The following SDK1 variants were observed in gnomAD, a reference collection of about 807,000 sequenced individuals.
SDK1 encodes the protein sidekick cell adhesion molecule 1, also known as protein sidekick-1.
A neutral mutation model predicts 245.5 loss-of-function variants in SDK1; 157 were observed. The ratio of observed to expected loss-of-function variants is 0.64; its 90% CI spans 0.56 to 0.73. SDK1 has a LOEUF of 0.73. Among genes scored for constraint, SDK1 ranks in the 30% least tolerant of loss-of-function variants. The pLI is 0.00. For synonymous variants in SDK1, 1,647 were observed against 1,278.5 expected (o/e 1.29, Z -6.15); for missense variants, 3,583 against 3,002.3 (o/e 1.19, Z -4.52).
intron 4 of SDK1, among the ~76,000 whole-genome samples, chr7:3,779,399 C>T (rs1309358954): frequency 4.6e-5 from 7 of 151,520 alleles, no homozygotes; most frequent in Non-Finnish European, 7.4e-5. Flanking sequence ...TGGGAGACAT[C>T]GAACAGTAGT....
intron 44 of SDK1, among the ~76,000 whole-genome samples, chr7:4,264,647 G>C (rs1377012275): frequency 6.6e-6 from 1 of 150,788 alleles, no homozygotes; most frequent in African/African-American, 2.4e-5. Context: ...GGTAAGGAAG[G>C]CCGTGTAGAC....
chr7:3,676,658 A>G (rs1783914097), intron 4 of SDK1, among the ~76,000 whole-genome samples: 1 of 152,166 alleles, frequency 6.6e-6, no homozygotes, highest in Non-Finnish European at 1.5e-5. Flanking sequence ...GAGGTCTTAT[A>G]TTTAAGTCTT....
At chr7:3,681,637 A>T (rs1174271550) in intron 4 of SDK1, among the ~76,000 whole-genome samples, 1 of 152,242 alleles carries the variant, frequency 6.6e-6, no homozygotes, top group Admixed American at 6.5e-5. Context: ...CCATCACTAA[A>T]ATATAAGCTC....
At chr7:4,158,917 G>T (rs968670869) in intron 31 of SDK1, among the ~76,000 whole-genome samples, 4 of 152,216 alleles carry the variant, frequency 2.6e-5, no homozygotes, top group African/African-American at 9.6e-5. Context: ...AACAGCGCAG[G>T]TAAGTGATGG....
At position 4,123,389 on chromosome 7, in the gene SDK1, A is replaced by C. The variant is rs559160344; in HGVS notation, c.3824-3992A>C. Reference sequence around the variant, plus strand: ...AGTTGATTCAAGGTCCCAGTTTATCAAACTTTTGTATAAAATGAGCAATGT... The same window carrying C: ...AGTTGATTCAAGGTCCCAGTTTATCCAACTTTTGTATAAAATGAGCAATGT... On this transcript the variant is annotated intron_variant, in intron 25 of 44. Coordinates refer to ENST00000404826, the MANE Select transcript of SDK1 (RefSeq NM_152744.4). Among the ~76,000 whole-genome samples the C allele has an allele frequency of 9.4e-4, 143 of 152,244 alleles. 2 individuals are homozygous for C. The Middle Eastern group carries it at 0.031, about 33-fold the overall frequency.
At chr7:4,251,407 G>C (rs1366923256) in intron 44 of SDK1, among the ~76,000 whole-genome samples, 1 of 152,210 alleles carries the variant, frequency 6.6e-6, no homozygotes, top group Non-Finnish European at 1.5e-5. Flanking sequence ...TTCTCCTATA[G>C]AGGCACACAG....
At chr7:4,113,205 GAA>G (rs1173465187) in intron 23 of SDK1, 82 bp from the exon 24 acceptor site, 2 of 1,446,824 alleles carry the variant, frequency 1.4e-6, no homozygotes, top group East Asian at 4.6e-5. Flanking sequence ...CCTCCCTTGA[GAA>G]ACAGTCAGCG....
chr7:3,644,340 T>C (rs1782754045), intron 4 of SDK1, among the ~76,000 whole-genome samples: 1 of 151,810 alleles, frequency 6.6e-6, no homozygotes, highest in Non-Finnish European at 1.5e-5. Context: ...TATCCTTTTT[T>C]CTTTATTTAA....
At chr7:4,239,846 A>G (rs1786411007) in intron 42 of SDK1, among the ~76,000 whole-genome samples, 1 of 152,106 alleles carries the variant, frequency 6.6e-6, no homozygotes, top group Non-Finnish European at 1.5e-5. Flanking sequence ...ATCCCTGATG[A>G]GCTGTTCTTA....
intron 1 of SDK1, among the ~76,000 whole-genome samples, chr7:3,358,544 T>A (rs4722722): frequency 0.52 from 78,597 of 151,938 alleles, 21,472 homozygotes; most frequent in African/African-American, 0.71. Context: ...CATCATTACA[T>A]TGTTCACGCT....
At chr7:3,915,101 C>A (rs369944069) in intron 5 of SDK1, among the ~76,000 whole-genome samples, 2 of 152,272 alleles carry the variant, frequency 1.3e-5, no homozygotes, top group African/African-American at 4.8e-5. Flanking sequence ...TCAATTAGCC[C>A]CTAAGGGCAC....
chr7:3,847,978 C>T (rs534710396), intron 5 of SDK1, among the ~76,000 whole-genome samples: 6 of 149,944 alleles, frequency 4.0e-5, no homozygotes, highest in East Asian at 3.9e-4. Flanking sequence ...ATCATACTAT[C>T]GTACTTTCCT....
At chr7:3,839,221 C>T (rs144950262) in intron 5 of SDK1, among the ~76,000 whole-genome samples, 3 of 152,298 alleles carry the variant, frequency 2.0e-5, no homozygotes, top group Non-Finnish European at 4.4e-5. Flanking sequence ...AGCAAACCCT[C>T]CTCTTCCTTG....
chr7:3,519,881 G>C (rs1457184705), intron 1 of SDK1, among the ~76,000 whole-genome samples: 1 of 152,094 alleles, frequency 6.6e-6, no homozygotes, highest in Non-Finnish European at 1.5e-5. Flanking sequence ...TACATATATT[G>C]AATGCAAATA....
At chr7:3,698,310 GC>G (rs1784634315) in intron 4 of SDK1, among the ~76,000 whole-genome samples, 1 of 152,200 alleles carries the variant, frequency 6.6e-6, no homozygotes, top group African/African-American at 2.4e-5. Flanking sequence ...TGGGTGTGGG[GC>G]CAAGGCTTGT....
intron 4 of SDK1, among the ~76,000 whole-genome samples, chr7:3,662,800 A>G (rs1444662276): frequency 6.6e-6 from 1 of 152,228 alleles, no homozygotes; most frequent in African/African-American, 2.4e-5. Context: ...TTGAACATCA[A>G]CATGATGCTC....
rs374294922 is a variant in SDK1, at chr7:3,455,727, T to C, written c.298+153843T>C. Among the ~76,000 whole-genome samples the C allele has an allele frequency of 1.1e-4, 16 of 152,332 alleles. 1 individual carries two copies. In the East Asian group the frequency reaches 1.4e-3, roughly 13 times the overall value. On this transcript the variant is annotated intron_variant, in intron 1 of 44. Transcript: ENST00000404826. ...TTGGATAGAGTGATTCTTCTCACTT[T>C]ATTCTCTGTCAAGATTGTTTTAGCT...
intron 41 of SDK1, among the ~76,000 whole-genome samples, chr7:4,234,458 C>T (rs182384435): frequency 1.3e-5 from 2 of 152,216 alleles, no homozygotes; most frequent in Admixed American, 1.3e-4. Flanking sequence ...GTGACCTCGC[C>T]TGGGAATCAG....
intron 22 of SDK1, among the ~76,000 whole-genome samples, chr7:4,107,183 A>G (rs564277198): frequency 2.0e-5 from 3 of 147,608 alleles, no homozygotes; most frequent in Non-Finnish European, 4.6e-5. Flanking sequence ...GGCCAACCAG[A>G]GGAAGGAGAC....
Sources: gnomAD v4.1 joint callset for allele counts (sites outside exome capture counted in the v4.1 genomes callset) on GRCh38, gnomAD v4.1.1 for gene constraint, MANE v1.5 for transcripts, NCBI Gene and HGNC (gene_info 2026-07-23, HGNC 2026-07-21) for gene names.